Variants in SLC15A5 observed in about 807,000 individuals in gnomAD.
SLC15A5 encodes the protein Peptide/histidine transporter ENSP00000340402.
Under a neutral mutation model 56.1 loss-of-function variants are expected in SLC15A5, and 58 were observed. The ratio of observed to expected loss-of-function variants is 1.03; its 90% confidence interval spans 0.84 to 1.29. The LOEUF (loss-of-function observed/expected upper bound fraction) is 1.29, where lower values mean the gene tolerates loss of function less well. SLC15A5 is among the 50% of genes most tolerant of loss of function. The probability of loss-of-function intolerance (pLI) is 0.00; values close to 1 mark genes in which losing one functional copy is unlikely to be tolerated. For missense variants in SLC15A5, 681 were observed against 672.1 expected (o/e 1.01, Z -0.15); for synonymous variants, 264 against 250.5 (o/e 1.05, Z -0.51).
At chr12:16,275,644 T>G (rs1864809892) in intron 1 of SLC15A5, among the ~76,000 whole-genome samples, 1 of 151,994 alleles carries the variant, frequency 6.6e-6, no homozygotes, top group Non-Finnish European at 1.5e-5. Context: ...AGTTGGAATT[T>G]GATGGCAGCT....
At chr12:16,199,711 A>G (rs1044017817) in intron 7 of SLC15A5, among the ~76,000 whole-genome samples, 2 of 152,210 alleles carry the variant, frequency 1.3e-5, no homozygotes, top group Non-Finnish European at 2.9e-5. Flanking sequence ...ACGTATCTTG[A>G]AAACAAGTAC....
At chr12:16,220,837 T>C (rs994193970) in intron 6 of SLC15A5, among the ~76,000 whole-genome samples, 6 of 152,152 alleles carry the variant, frequency 3.9e-5, no homozygotes, top group Non-Finnish European at 8.8e-5. Context: ...TTTTAACTGA[T>C]GTGTCTAAAA....
In SLC15A5 at chr12:16,257,821, A is replaced by G. The variant is rs1864592427; in HGVS notation, c.634T>C (p.Ser212Pro). ...CAGGCCTGTGAGTGCTGGATGTAAG[A>G]TATTCCCAGAAACACAATAGTTGCA... Reference protein sequence around the residue: ...LNATIVFLGISYIQHSQAWAL... With the variant: ...LNATIVFLGIPYIQHSQAWAL... Residue 212 changes from serine (S) to proline (P), a missense_variant, in exon 3 of 9, where the codon TCT (serine) becomes CCT (proline). By Grantham distance (74) the Ser-to-Pro change is moderately conservative. Transcript: ENST00000344941. 1 of 1,521,582 alleles carries G rather than the reference A, an allele frequency of 6.6e-7. No homozygotes were observed. The highest frequency in any genetic ancestry group is 8.8e-7 in the Non-Finnish European group (1 of 1,141,640). 94.3% of individuals were successfully genotyped at this position (1,521,582 alleles called of 1,614,324 possible).
rs538262468 is a variant in SLC15A5, at chr12:16,239,603, A to G, written c.1162+78T>C. 41 of 1,365,834 alleles carry G rather than the reference A, an allele frequency of 3.0e-5. No homozygotes were observed. The African/African-American group carries it at 5.6e-4, about 19-fold the overall frequency. 84.6% of individuals were successfully genotyped at this position (1,365,834 alleles called of 1,614,324 possible). On this transcript the variant is annotated intron_variant, in intron 5 of 8. Transcript: ENST00000344941. ...AATCTGACACTACTCAGGAGCATAT[A>G]GCTAGTTCGGATCTTAGCAGAATGT...
intron 3 of SLC15A5, 102 bp from the exon 4 acceptor site, chr12:16,244,902 A>ATCCTT: frequency 7.8e-7 from 1 of 1,276,736 alleles, no homozygotes; most frequent in Non-Finnish European, 1.1e-6. Flanking sequence ...ACGGCAGTGA[A>ATCCTT]GTGAGAAAGT....
At chr12:16,208,236 ACT>A (rs1257644677) in intron 7 of SLC15A5, among the ~76,000 whole-genome samples, 1 of 151,822 alleles carries the variant, frequency 6.6e-6, no homozygotes, top group African/African-American at 2.4e-5. Context: ...AAGAAGTCAC[ACT>A]CTCTGGGTTG....
At chr12:16,218,953 T>C (rs1168323729) in intron 6 of SLC15A5, among the ~76,000 whole-genome samples, 1 of 152,186 alleles carries the variant, frequency 6.6e-6, no homozygotes, top group Non-Finnish European at 1.5e-5. Context: ...GTATTAATGC[T>C]CCTTCCTTAA....
At chr12:16,276,239 T>C (rs1165913102) in intron 1 of SLC15A5, among the ~76,000 whole-genome samples, 1 of 152,006 alleles carries the variant, frequency 6.6e-6, no homozygotes, top group Non-Finnish European at 1.5e-5. Flanking sequence ...TCCAATGGAT[T>C]CTCTGAATGG....
intron 5 of SLC15A5, among the ~76,000 whole-genome samples, chr12:16,225,635 G>T (rs2136250085): frequency 6.6e-6 from 1 of 152,298 alleles, no homozygotes; most frequent in South Asian, 2.1e-4. Flanking sequence ...CAAAAAGTGA[G>T]TGAAGGATAT....
rs568598076 is a variant in SLC15A5 at position 16,277,493 on chromosome 12, T to C, written c.193A>G (p.Ile65Val). The change falls in exon 1 of 9, where the codon ATC becomes GTC. Residue 65 changes from isoleucine (I) to valine (V), a missense_variant. Transcript: ENST00000344941. ...CCAAGCTTGATAGTGCAAAAGGGGA[T>C]CATGTTGCAGACGACTTCAAAGAAC... is the stretch of plus-strand genomic sequence containing the variant. ...FTFFEVVCNMIPFCTIKLGYH... is the reference protein window; with the variant it reads ...FTFFEVVCNMVPFCTIKLGYH... The C allele has an allele frequency of 7.2e-6, 11 of 1,536,526 alleles. No individual in the cohort carries two copies. The African/African-American group carries it at 1.1e-4, about 15-fold the overall frequency.
At chr12:16,268,792 T>C (rs915749110) in intron 2 of SLC15A5, among the ~76,000 whole-genome samples, 1 of 152,166 alleles carries the variant, frequency 6.6e-6, no homozygotes, top group African/African-American at 2.4e-5. Flanking sequence ...TTTTCAAACT[T>C]TGTTCTTCTG....
At chr12:16,193,839 GAGA>G (rs1863866946) in intron 8 of SLC15A5, among the ~76,000 whole-genome samples, 3 of 133,084 alleles carry the variant, frequency 2.3e-5, no homozygotes, top group Admixed American at 7.6e-5. Flanking sequence ...GAGAGAGAGA[GAGA>G]GAGGCTGGCA....
intron 5 of SLC15A5, among the ~76,000 whole-genome samples, 176 bp downstream of exon 5, chr12:16,239,505 A>G (rs938352286): frequency 5.3e-5 from 8 of 152,332 alleles, no homozygotes; most frequent in Non-Finnish European, 2.9e-5. Context: ...AGAAGATGGG[A>G]CACATGTCTG....
In SLC15A5 at chr12:16,272,786, G is replaced by A. The variant is rs1173823662; in HGVS notation, c.362-3C>T. 1 of 1,535,492 alleles carries A rather than the reference G, an allele frequency of 6.5e-7. No homozygotes were observed. Among genetic ancestry groups the A allele is most frequent in the Admixed American group, 2.0e-5 (1 of 50,924 alleles). On this transcript the variant is annotated splice_region_variant and splice_polypyrimidine_tract_variant and intron_variant, in intron 1 of 8. Transcript: ENST00000344941. ...CACCACAGATAACAAAGCAGTGCCT[G>A]TAGGTGGAGAAAAAAAAAGAGTAAA...
chr12:16,224,630 A>G (rs1591647483), intron 5 of SLC15A5, 28 bp from the exon 6 acceptor site: 1 of 1,515,678 alleles, frequency 6.6e-7, no homozygotes, highest in Non-Finnish European at 8.8e-7. Context: ...AAAAGAAAAA[A>G]AAGTTAAACG....
chr12:16,237,824 A>G lies in SLC15A5; in HGVS notation c.1162+1857T>C, dbSNP rs1393274009. On this transcript the variant is annotated intron_variant, in intron 5 of 8. Transcript: ENST00000344941. The surrounding 1 kb of genome is among the most constrained non-coding windows in gnomAD (Gnocchi z 4.1). ...GCTGAGATTTTTGGCATTTCACAAT[A>G]TGATTTTACTCCTATTTTGTCCTGC... Among the ~76,000 whole-genome samples, 2 of 152,182 alleles carry G rather than the reference A, an allele frequency of 1.3e-5. No homozygotes were observed. The highest frequency in any genetic ancestry group is 6.5e-5 in the Admixed American group (1 of 15,276).
chr12:16,236,479 A>T (rs1864353345), intron 5 of SLC15A5, among the ~76,000 whole-genome samples: 1 of 152,130 alleles, frequency 6.6e-6, no homozygotes, highest in South Asian at 2.1e-4. Flanking sequence ...ATATTTCTTG[A>T]CCTCCATAGG....
intron 2 of SLC15A5, 66 bp downstream of exon 2, chr12:16,272,495 G>A: frequency 9.8e-6 from 14 of 1,432,712 alleles, no homozygotes; most frequent in Non-Finnish European, 1.3e-5. Flanking sequence ...CTACCCAAAT[G>A]GAATCAGAAA....
intron 2 of SLC15A5, among the ~76,000 whole-genome samples, chr12:16,260,530 A>G (rs1002741337): frequency 1.3e-5 from 2 of 151,668 alleles, no homozygotes; most frequent in African/African-American, 4.8e-5. Context: ...TTGATTTGTC[A>G]AAGGTCTTCA....
Sources: allele counts gnomAD v4.1 joint callset (sites outside exome capture counted in the v4.1 genomes callset), GRCh38; gene constraint gnomAD v4.1.1; non-coding constraint Gnocchi (gnomAD v3.1); transcripts MANE v1.5; gene names NCBI Gene and HGNC (gene_info 2026-07-23, HGNC 2026-07-21).